The following HDGFL2 variants were observed in gnomAD, a reference collection of about 807,000 sequenced individuals.
The protein encoded by HDGFL2 is hepatoma-derived growth factor-related protein 2.
Under a neutral mutation model 77.1 loss-of-function variants are expected in HDGFL2, and 36 were observed. The observed-to-expected ratio is 0.47, with a 90% CI of 0.36 to 0.62. The LOEUF (loss-of-function observed/expected upper bound fraction) is 0.62. Among genes scored for constraint, HDGFL2 ranks in the 20% least tolerant of loss-of-function variants. The pLI, the probability that HDGFL2 is intolerant of heterozygous loss-of-function variation, is 0.00. For missense variants in HDGFL2, 976 were observed against 973.4 expected (o/e 1.00, Z -0.04); for synonymous variants, 463 against 413.1 (o/e 1.12, Z -1.46).
chr19:4,499,733 C>T (rs1181832054), intron 14 of HDGFL2, 29 bp downstream of exon 14: 19 of 1,450,082 alleles, frequency 1.3e-5, no homozygotes, highest in Non-Finnish European at 1.8e-5. Flanking sequence ...GGGCCCTGTA[C>T]CTCAGTCTCC....
chr19:4,497,224 G>GGCTT (rs1401620290), intron 10 of HDGFL2: 4 of 422,788 alleles, frequency 9.5e-6, no homozygotes, highest in Non-Finnish European at 1.9e-5. Flanking sequence ...CAGAGTCTTG[G>GGCTT]GCTTGCTCTG....
At chr19:4,493,597 G>A (rs1975606942) in intron 6 of HDGFL2, 106 bp from the exon 7 acceptor site, 22 of 1,273,798 alleles carry the variant, frequency 1.7e-5, no homozygotes, top group East Asian at 9.4e-5. Context: ...GCCGAGGCCC[G>A]CAGAGCCTGG....
chr19:4,501,367 A>AC, intron 15 of HDGFL2, 50 bp downstream of exon 15: 1 of 1,537,516 alleles, frequency 6.5e-7, no homozygotes, highest in Non-Finnish European at 8.8e-7. Context: ...CAGCGGTGTG[A>AC]CGCGCACCCT....
chr19:4,478,505 C>T (rs1388987693), intron 3 of HDGFL2, among the ~76,000 whole-genome samples: 1 of 151,770 alleles, frequency 6.6e-6, no homozygotes, highest in Non-Finnish European at 1.5e-5. Context: ...CCAGCCCAGG[C>T]TCATTCTTTT....
rs1346610087 is a variant in HDGFL2, at chr19:4,494,585, C to T, written c.1224+110C>T. On this transcript the variant is annotated intron_variant, in intron 9 of 15. Coordinates refer to ENST00000616600, the MANE Select transcript of HDGFL2 (RefSeq NM_001001520.3). ...TCCGGGACCCATCAAGAAAGCAGTG[C>T]GTGGGCCCAGAAACTCCTGCCCTGG... 5 of 808,606 alleles carry T rather than the reference C, an allele frequency of 6.2e-6. No individual in the cohort carries two copies. The East Asian group carries it at 1.0e-4, about 16-fold the overall frequency. The allele number at this position is 808,606 out of a possible 1,614,324, so 50.1% of individuals were successfully genotyped here.
intron 3 of HDGFL2, among the ~76,000 whole-genome samples, chr19:4,477,624 C>G (rs1975105572): frequency 6.6e-6 from 1 of 152,148 alleles, no homozygotes; most frequent in African/African-American, 2.4e-5. Context: ...ATTTATTGGA[C>G]ACCTACAGCT....
chr19:4,498,070 A>C, intron 11 of HDGFL2, 39 bp downstream of exon 11: 34 of 1,513,118 alleles, frequency 2.2e-5, no homozygotes, highest in Non-Finnish European at 2.9e-5. Flanking sequence ...CACTGAGTTC[A>C]CTGAGGGGAA....
chr19:4,481,254 G>A (rs1975209633), intron 3 of HDGFL2, among the ~76,000 whole-genome samples: 1 of 140,640 alleles, frequency 7.1e-6, no homozygotes, highest in African/African-American at 2.7e-5. Context: ...GCAGTGGCGC[G>A]ATCTTGGCTC....
Position 4,494,482 on chromosome 19 carries a change from CG to C in HDGFL2, c.1224+10del. The C allele has an allele frequency of 1.5e-6, 2 of 1,374,722 alleles. No homozygotes were observed. Among genetic ancestry groups the C allele is most frequent in the Non-Finnish European group, 1.9e-6 (2 of 1,067,876 alleles). 85.2% of individuals were successfully genotyped at this position (1,374,722 alleles called of 1,614,324 possible). On this transcript the variant is annotated splice_region_variant and intron_variant, in intron 9 of 15. Coordinates refer to ENST00000616600, the MANE Select transcript of HDGFL2 (RefSeq NM_001001520.3). ...GGCCGAGCTGGAGAGAGAGGTGAGC[CG>C]GGAGGGCGCCGGGAGTCCCTGCCTT...
In HDGFL2 at chr19:4,496,302, G is replaced by A. The variant is rs1162965501; in HGVS notation, c.1225G>A (p.Ala409Thr). The change falls in exon 10 of 16, where the codon GCC (alanine) becomes ACC (threonine). Residue 409 changes from alanine to threonine, a missense_variant and splice_region_variant. Around this residue, in one of 5 missense-constraint regions of HDGFL2, gnomAD observed 567 missense variants for 534.7 expected, o/e 1.06. Transcript: ENST00000616600. ...AGCGCGCCCTTCCTGACTGCTATAG[G>A]CCAAGAAATCAGCGAAGAAGCCGCA... is the stretch of plus-strand genomic sequence containing the variant. ...SEPEAELERE[A>T]KKSAKKPQSS... 4 of 1,613,886 alleles carry A rather than the reference G, an allele frequency of 2.5e-6. No homozygotes were observed. The highest frequency in any genetic ancestry group is 3.3e-5 in the Admixed American group (2 of 60,004).
chr19:4,483,850 C>T (rs954830490), intron 3 of HDGFL2, among the ~76,000 whole-genome samples: 2 of 142,214 alleles, frequency 1.4e-5, no homozygotes, highest in Non-Finnish European at 1.5e-5. Context: ...AGTGCAGTGA[C>T]GCTATCTGGG....
At chr19:4,488,583 C>T (rs564242498) in intron 3 of HDGFL2, 93 bp from the exon 4 acceptor site, 267 of 1,129,938 alleles carry the variant, frequency 2.4e-4, no homozygotes, top group Non-Finnish European at 3.0e-4. Context: ...TTCAGGATCC[C>T]GCATGTGGTT....
chr19:4,475,013 G>T (rs542568661), intron 1 of HDGFL2: 72 of 472,854 alleles, frequency 1.5e-4, no homozygotes, highest in South Asian at 8.6e-4. Context: ...TCAGAGGGCC[G>T]GATCTGGCTT....
intron 3 of HDGFL2, 94 bp downstream of exon 3, chr19:4,475,677 A>G: frequency 1.4e-6 from 2 of 1,409,064 alleles, no homozygotes; most frequent in Non-Finnish European, 1.9e-6. Context: ...CTGTGGACAC[A>G]TGGGGCTCGA....
intron 1 of HDGFL2, 54 bp downstream of exon 1, chr19:4,472,476 G>A: frequency 1.0e-6 from 1 of 996,926 alleles, no homozygotes. Flanking sequence ...GGCAGCGGGG[G>A]CCCCGGGCCG....
intron 10 of HDGFL2, chr19:4,497,683 G>A: frequency 2.0e-6 from 1 of 507,198 alleles, no homozygotes. Flanking sequence ...GACAAAGCCA[G>A]CCCTTGGCCA....
chr19:4,497,493 G>A (rs1258022615), intron 10 of HDGFL2: 2 of 304,088 alleles, frequency 6.6e-6, no homozygotes, highest in East Asian at 9.9e-5. Context: ...CACCGTGCTT[G>A]GTCCCCCAGC....
chr19:4,492,245 G>A (rs557934474), intron 6 of HDGFL2, among the ~76,000 whole-genome samples: 4 of 152,074 alleles, frequency 2.6e-5, no homozygotes, highest in Non-Finnish European at 5.9e-5. Flanking sequence ...GTACTTGTGT[G>A]TATGCATGTT....
At chr19:4,501,453 C>T (rs761079235) in intron 15 of HDGFL2, 136 bp downstream of exon 15, 1 of 1,056,302 alleles carries the variant, frequency 9.5e-7, no homozygotes, top group Non-Finnish European at 1.3e-6. Context: ...GGGCCTCCCA[C>T]CTTCACAGCT....
Sources: allele counts gnomAD v4.1 joint callset (sites outside exome capture counted in the v4.1 genomes callset), GRCh38; gene constraint gnomAD v4.1.1; regional missense constraint gnomAD v4.1.1; transcripts MANE v1.5; gene names NCBI Gene and HGNC (gene_info 2026-07-23, HGNC 2026-07-21).